Variants in SBF2 observed in about 807,000 individuals in gnomAD.
SBF2 encodes the protein myotubularin-related protein 13.
In SBF2, 112 loss-of-function variants were observed where a neutral mutation model predicts 225.2. The ratio of observed to expected loss-of-function variants is 0.50; its 90% confidence interval spans 0.43 to 0.58. SBF2 has a LOEUF of 0.58. Ranked by LOEUF, SBF2 falls within the 20% of genes least tolerant of loss-of-function variation. SBF2 has a pLI of 0.00. For synonymous variants in SBF2, 763 were observed against 773.3 expected, an observed-to-expected ratio of 0.99 and a Z score of 0.22; for missense variants, 1,996 against 2,206.2, an observed-to-expected ratio of 0.90 and a Z score of 1.91.
chr11:9,885,251 CAAAAA>C (rs71453937), intron 17 of SBF2, among the ~76,000 whole-genome samples: 1 of 38,280 alleles, frequency 2.6e-5, no homozygotes, highest in Non-Finnish European at 4.2e-5. Context: ...ACTTTTCCTC[CAAAAA>C]AAAAAAAAAA....
Position 9,992,448 on chromosome 11 carries a change from A to C in SBF2, c.1263T>G (p.Gly421=), listed in dbSNP as rs1947480574. ...MAFAGFVSER[G]PPYRSCDLFD... ...AGAGATCACAAGATCTATAAGGAGG[A>C]CCTCTTTCTGAAACAAAACCTGCAA... The change falls in exon 12 of 40, where the codon GGT becomes GGG. Residue 421 remains glycine, a synonymous_variant. Transcript: ENST00000256190. The C allele has an allele frequency of 1.9e-6, 3 of 1,613,212 alleles. No individual in the cohort carries two copies. The highest frequency in any genetic ancestry group is 2.5e-6 in the Non-Finnish European group (3 of 1,179,390).
intron 1 of SBF2, among the ~76,000 whole-genome samples, chr11:10,235,631 T>G (rs1959039711): frequency 6.6e-6 from 1 of 152,166 alleles, no homozygotes. Context: ...AGAAGATACT[T>G]TCAAATCAAC....
Position 9,790,554 on chromosome 11 carries a change from A to G in SBF2, c.4698+2T>C, listed in dbSNP as rs139228767. The G allele has an allele frequency of 6.3e-7, 1 of 1,581,774 alleles. No individual in the cohort carries two copies. The highest frequency in any genetic ancestry group is 8.7e-7 in the Non-Finnish European group (1 of 1,155,472). On this transcript the variant is annotated splice_donor_variant, in intron 34 of 39. Transcript: ENST00000256190. LOFTEE classifies it high-confidence loss of function. The stretch of plus-strand genomic sequence containing the variant: ...TGAAACATAAATGATTTCTTACTCT[A>G]CCTCTATTTCCAATGGTGAATATAA...
At chr11:9,789,780 G>C (rs910322570) in intron 34 of SBF2, among the ~76,000 whole-genome samples, 1 of 152,156 alleles carries the variant, frequency 6.6e-6, no homozygotes, top group Admixed American at 6.5e-5. Context: ...GCTACTTTTT[G>C]CCATTCTTTG....
chr11:9,839,191 G>A (rs1026083229), intron 26 of SBF2: 1 of 385,716 alleles, frequency 2.6e-6, no homozygotes, highest in East Asian at 6.2e-5. Flanking sequence ...CTATTGGGCT[G>A]GGAAAATCCT....
At chr11:9,875,211 G>C (rs75707394) in intron 17 of SBF2, among the ~76,000 whole-genome samples, 14,039 of 152,248 alleles carry the variant, frequency 0.092, 697 homozygotes, top group East Asian at 0.18. Flanking sequence ...TCTAGAAAAT[G>C]AGTAAACAGC....
At chr11:10,170,648 T>C (rs924019093) in intron 2 of SBF2, among the ~76,000 whole-genome samples, 1 of 152,124 alleles carries the variant, frequency 6.6e-6, no homozygotes, top group Admixed American at 6.5e-5. Context: ...TTTGCCTCCA[T>C]ATAAACTTTA....
At chr11:9,817,769 T>TAAAAAAAAAG (rs1854535627) in intron 28 of SBF2, among the ~76,000 whole-genome samples, 4 of 40,336 alleles carry the variant, frequency 9.9e-5, no homozygotes, top group Non-Finnish European at 1.5e-4. Context: ...AAAAAAAAAC[T>TAAAAAAAAAG]ACAAAAAGAC....
In SBF2 at chr11:10,274,488, C is replaced by T. The variant is rs144771192; in HGVS notation, c.55+19527G>A. 2.5e-3 allele frequency among the ~76,000 whole-genome samples: 376 copies of T among 152,210 alleles called. 4 individuals carry two copies. The highest frequency in any genetic ancestry group is 8.6e-3 in the African/African-American group (359 of 41,546). ...AAGTTTCAGCCAGAGTAGTCGCTCA[C>T]GCCTATAATCCCATCACTTTGGGAG... is the stretch of plus-strand genomic sequence containing the variant. On this transcript the variant is annotated intron_variant, in intron 1 of 39. Transcript: ENST00000256190.
intron 1 of SBF2, among the ~76,000 whole-genome samples, chr11:10,228,357 T>C (rs4534577): frequency 0.39 from 59,868 of 151,962 alleles, 12,862 homozygotes; most frequent in Non-Finnish European, 0.48. Context: ...TCCAACACTA[T>C]GTTCAATAGG....
At chr11:10,206,173 G>A (rs1013736495) in intron 1 of SBF2, among the ~76,000 whole-genome samples, 1 of 151,208 alleles carries the variant, frequency 6.6e-6, no homozygotes, top group Admixed American at 6.6e-5. Flanking sequence ...CCCCCACCAA[G>A]AGACATCAAA....
chr11:9,975,789 T>C (rs1279769044), intron 13 of SBF2, among the ~76,000 whole-genome samples: 2 of 152,150 alleles, frequency 1.3e-5, no homozygotes, highest in Non-Finnish European at 2.9e-5. Flanking sequence ...CTAAAGGTAA[T>C]CACAATATTT....
chr11:9,788,589 CTTTTTTTT>C (rs34787805), intron 35 of SBF2, among the ~76,000 whole-genome samples: 3 of 122,334 alleles, frequency 2.5e-5, no homozygotes, highest in Non-Finnish European at 5.0e-5. Context: ...TGGAAAATCA[CTTTTTTTT>C]TTTTTTTTTT....
intron 13 of SBF2, among the ~76,000 whole-genome samples, chr11:9,979,429 A>T (rs73406710): frequency 6.6e-6 from 1 of 152,174 alleles, no homozygotes; most frequent in Non-Finnish European, 1.5e-5. Context: ...TTCTCATATG[A>T]TCATGCTGTA....
chr11:9,886,135 T>C (rs1438580592), intron 17 of SBF2, among the ~76,000 whole-genome samples: 4 of 152,226 alleles, frequency 2.6e-5, no homozygotes, highest in African/African-American at 9.6e-5. Context: ...GCTGGCTCAG[T>C]CATAATTATG....
intron 32 of SBF2, among the ~76,000 whole-genome samples, chr11:9,806,941 G>A (rs1853887597): frequency 6.6e-6 from 1 of 152,110 alleles, no homozygotes; most frequent in Admixed American, 6.6e-5. Flanking sequence ...GTAGTGATCT[G>A]GAAAGTTGAT....
intron 2 of SBF2, among the ~76,000 whole-genome samples, chr11:10,132,287 A>C (rs900978628): frequency 6.6e-6 from 1 of 151,738 alleles, no homozygotes; most frequent in African/African-American, 2.4e-5. Flanking sequence ...AGCTCCTAAA[A>C]CTCTTGTAAT....
At chr11:10,144,465 G>A (rs1954799029) in intron 2 of SBF2, among the ~76,000 whole-genome samples, 1 of 152,108 alleles carries the variant, frequency 6.6e-6, no homozygotes, top group South Asian at 2.1e-4. Context: ...TCCAGCCTGA[G>A]TGACAGAGCA....
intron 1 of SBF2, among the ~76,000 whole-genome samples, chr11:10,231,931 G>A (rs953146461): frequency 3.9e-5 from 6 of 152,330 alleles, no homozygotes; most frequent in South Asian, 2.1e-4. Flanking sequence ...GCAGGCAGGC[G>A]TCCTTGAGCT....
Sources: allele counts gnomAD v4.1 joint callset (sites outside exome capture counted in the v4.1 genomes callset), GRCh38; gene constraint gnomAD v4.1.1; transcripts MANE v1.5; gene names NCBI Gene and HGNC (gene_info 2026-07-23, HGNC 2026-07-21).